HCN1: variants seen among roughly 807,000 people sequenced by gnomAD.
HCN1 encodes the protein potassium/sodium hyperpolarization-activated cyclic nucleotide-gated channel 1.
Under a neutral mutation model 78.9 loss-of-function variants are expected in HCN1, and 13 were observed. The observed-to-expected ratio is 0.16, with a 90% confidence interval of 0.11 to 0.26. The LOEUF (loss-of-function observed/expected upper bound fraction) is 0.26, where lower values mean the gene tolerates loss of function less well. HCN1 is among the 10% of genes least tolerant of loss of function. The probability of loss-of-function intolerance (pLI) is 1.00; values close to 1 mark genes in which losing one functional copy is unlikely to be tolerated. For synonymous variants in HCN1, 552 were observed against 455.5 expected (o/e 1.21, Z -2.70); for missense variants, 810 against 1,154.3 (o/e 0.70, Z 4.32).
chr5:45,659,138 C>G (rs1163370195), intron 1 of HCN1, among the ~76,000 whole-genome samples: 3 of 151,076 alleles, frequency 2.0e-5, no homozygotes, highest in Non-Finnish European at 4.4e-5. Context: ...TCAAGTGGGT[C>G]CCTGACCCCT....
At chr5:45,582,333 G>A (rs1337310232) in intron 2 of HCN1, among the ~76,000 whole-genome samples, 1 of 151,810 alleles carries the variant, frequency 6.6e-6, no homozygotes, top group Non-Finnish European at 1.5e-5. Context: ...TCTGTTGTTG[G>A]TGTATAAGAA....
chr5:45,533,825 A>C (rs1412378887), intron 2 of HCN1, among the ~76,000 whole-genome samples: 1 of 152,128 alleles, frequency 6.6e-6, no homozygotes, highest in Non-Finnish European at 1.5e-5. Context: ...TAAACTACAC[A>C]ATTCCTAGTG....
At chr5:45,407,350 T>A (rs1739945407) in intron 3 of HCN1, among the ~76,000 whole-genome samples, 1 of 152,030 alleles carries the variant, frequency 6.6e-6, no homozygotes, top group Admixed American at 6.6e-5. Context: ...GCATATATGA[T>A]TATGTATGGT....
intron 5 of HCN1, among the ~76,000 whole-genome samples, chr5:45,333,158 CCTGT>C (rs1746380621): frequency 6.6e-6 from 1 of 151,564 alleles, no homozygotes; most frequent in South Asian, 2.1e-4. Context: ...TTTGTTATTG[CCTGT>C]CTTTTGGATA....
At chr5:45,624,994 C>T (rs1355299800) in intron 2 of HCN1, among the ~76,000 whole-genome samples, 1 of 152,064 alleles carries the variant, frequency 6.6e-6, no homozygotes, top group African/African-American at 2.4e-5. Context: ...CTTAGTTTTC[C>T]TCATAAAATT....
At chr5:45,437,276 A>G (rs1425222188) in intron 3 of HCN1, among the ~76,000 whole-genome samples, 1 of 152,210 alleles carries the variant, frequency 6.6e-6, no homozygotes, top group Non-Finnish European at 1.5e-5. Flanking sequence ...CCATCAACAT[A>G]AATAAATGTA....
intron 1 of HCN1, among the ~76,000 whole-genome samples, chr5:45,689,524 T>G (rs1043395391): frequency 6.6e-6 from 1 of 152,000 alleles, no homozygotes; most frequent in East Asian, 1.9e-4. Flanking sequence ...AAAAGATGAG[T>G]AGAAACTAGT....
At chr5:45,674,565 C>T (rs1234441969) in intron 1 of HCN1, among the ~76,000 whole-genome samples, 5 of 151,766 alleles carry the variant, frequency 3.3e-5, no homozygotes, top group African/African-American at 7.2e-5. Flanking sequence ...TTATTAGATA[C>T]AACTTAAGAA....
At chr5:45,551,911 A>T (rs1359485024) in intron 2 of HCN1, among the ~76,000 whole-genome samples, 1 of 151,990 alleles carries the variant, frequency 6.6e-6, no homozygotes, top group Non-Finnish European at 1.5e-5. Context: ...CCAAAATGGT[A>T]ATAGATTAAG....
rs199597125 is a variant in HCN1, at chr5:45,281,016, CAA to C, written c.1619-13765_1619-13764del. Among the ~76,000 whole-genome samples, 59 of 125,668 alleles carry C rather than the reference CAA, an allele frequency of 4.7e-4. No homozygotes were observed. The East Asian group carries it at 0.01, about 22-fold the overall frequency. 82.4% of individuals were successfully genotyped at this position (125,668 alleles called of 152,430 possible). A position where few individuals can be genotyped will look rare whatever the true frequency, so the allele number is the denominator to read the frequency against. ...AATCTGTGGCATTTAGATTCAGAGG[CAA>C]AAAAAAAAAATACAGAAAAATAAAA... On this transcript the variant is annotated intron_variant, in intron 6 of 7. Coordinates refer to ENST00000303230, the MANE Select transcript of HCN1 (RefSeq NM_021072.4).
chr5:45,653,175 G>T (rs764483527), intron 1 of HCN1, among the ~76,000 whole-genome samples: 1 of 151,838 alleles, frequency 6.6e-6, no homozygotes, highest in African/African-American at 2.4e-5. Context: ...AATGACAACT[G>T]GGATTTCCTT....
At chr5:45,682,777 CAG>C (rs1476132573) in intron 1 of HCN1, among the ~76,000 whole-genome samples, 1 of 151,686 alleles carries the variant, frequency 6.6e-6, no homozygotes, top group African/African-American at 2.4e-5. Context: ...AAAAAAAAGG[CAG>C]AGATATGAGA....
At chr5:45,354,703 C>A (rs111488496) in intron 4 of HCN1, among the ~76,000 whole-genome samples, 1 of 151,968 alleles carries the variant, frequency 6.6e-6, no homozygotes, top group Non-Finnish European at 1.5e-5. Flanking sequence ...TGTCGTGAGA[C>A]TTTCTTTGAT....
At chr5:45,551,379 A>T (rs1299894831) in intron 2 of HCN1, among the ~76,000 whole-genome samples, 1 of 151,384 alleles carries the variant, frequency 6.6e-6, no homozygotes, top group South Asian at 2.1e-4. Context: ...AAATCTCCCA[A>T]CCTTTTTTTT....
chr5:45,432,198 T>G (rs1740477767), intron 3 of HCN1, among the ~76,000 whole-genome samples: 2 of 152,180 alleles, frequency 1.3e-5, no homozygotes, highest in South Asian at 4.1e-4. Flanking sequence ...GTGACTACTT[T>G]GAATGGCATT....
intron 2 of HCN1, among the ~76,000 whole-genome samples, chr5:45,500,285 C>G (rs557910422): frequency 2.0e-5 from 3 of 152,210 alleles, no homozygotes; most frequent in Non-Finnish European, 4.4e-5. Flanking sequence ...ATGCCATTAT[C>G]TGGTGGATTT....
intron 4 of HCN1, among the ~76,000 whole-genome samples, chr5:45,372,108 A>C (rs1307254643): frequency 3.2e-5 from 2 of 62,732 alleles, no homozygotes; most frequent in African/African-American, 7.7e-5. Context: ...TTTTATATAT[A>C]ATATAATTAT....
intron 5 of HCN1, among the ~76,000 whole-genome samples, chr5:45,329,003 G>T (rs1258486452): frequency 6.6e-6 from 1 of 151,578 alleles, no homozygotes; most frequent in African/African-American, 2.4e-5. Context: ...TGTATGTGAA[G>T]CATCTTTGAC....
chr5:45,447,447 T>C (rs1740823036), intron 3 of HCN1, among the ~76,000 whole-genome samples: 1 of 152,198 alleles, frequency 6.6e-6, no homozygotes, highest in Admixed American at 6.5e-5. Flanking sequence ...CTTACTATAT[T>C]GCCCAGCCTG....
Sources: gnomAD v4.1 joint callset for allele counts (sites outside exome capture counted in the v4.1 genomes callset) on GRCh38, gnomAD v4.1.1 for gene constraint, MANE v1.5 for transcripts, NCBI Gene and HGNC (gene_info 2026-07-23, HGNC 2026-07-21) for gene names.